MEIS2: variants seen among roughly 807,000 people sequenced by gnomAD.
MEIS2 encodes homeobox protein Meis2.
A neutral mutation model predicts 58.6 loss-of-function variants in MEIS2; 9 were observed. The ratio of observed to expected loss-of-function variants is 0.15; its 90% CI spans 0.09 to 0.27. MEIS2 has a LOEUF of 0.27. MEIS2 is among the 10% of genes least tolerant of loss of function. The probability of loss-of-function intolerance (pLI) is 1.00; values close to 1 mark genes in which losing one functional copy is unlikely to be tolerated. For missense variants in MEIS2, 427 were observed against 635.0 expected (o/e 0.67, Z 3.52); for synonymous variants, 221 against 228.4 (o/e 0.97, Z 0.29).
At chr15:37,002,635 C>T (rs1209235571) in intron 8 of MEIS2, among the ~76,000 whole-genome samples, 4 of 151,890 alleles carry the variant, frequency 2.6e-5, no homozygotes, top group Non-Finnish European at 5.9e-5. Flanking sequence ...GTTTCCTCAT[C>T]TAGTAGCATT....
chr15:37,052,953 G>A (rs1037233791), intron 7 of MEIS2, among the ~76,000 whole-genome samples: 2 of 152,136 alleles, frequency 1.3e-5, no homozygotes, highest in African/African-American at 4.8e-5. Context: ...TTATTAGTTT[G>A]CCAAGACATA....
In MEIS2 at chr15:37,100,256, TCTCG is replaced by T. The variant is rs753907997; in HGVS notation, c.-794_-791del. Reference sequence around the variant, plus strand: ...TATTTTGTCTCTCCCTCTCTCTCTTTCTCGCTCGCTCGCTCGCTCTCACTCGCGC... The same window carrying T: ...TATTTTGTCTCTCCCTCTCTCTCTTTCTCGCTCGCTCGCTCTCACTCGCGC... On this transcript the variant is annotated 5_prime_UTR_variant, in exon 1 of 12. Coordinates refer to ENST00000561208, the MANE Select transcript of MEIS2 (RefSeq NM_170675.5). 4.3e-4 allele frequency: 66 copies of T among 152,516 alleles called. No individual in the cohort carries two copies. The highest frequency in any genetic ancestry group is 2.1e-3 in the South Asian group (10 of 4,810). The allele number at this position is 152,516 out of a possible 1,614,324, so 9.4% of individuals were successfully genotyped here. A position where few individuals can be genotyped will look rare whatever the true frequency, so the allele number is the denominator to read the frequency against.
intron 9 of MEIS2, among the ~76,000 whole-genome samples, chr15:36,921,885 C>T (rs1276976082): frequency 1.3e-5 from 2 of 152,144 alleles, no homozygotes; most frequent in African/African-American, 4.8e-5. Context: ...ATTTAAACAT[C>T]GACTTAGTTT....
At chr15:36,953,058 C>T (rs946905323) in intron 8 of MEIS2, among the ~76,000 whole-genome samples, 5 of 151,972 alleles carry the variant, frequency 3.3e-5, no homozygotes, top group Non-Finnish European at 7.4e-5. Context: ...ATTCCATGCC[C>T]CTTTTATACA....
intron 6 of MEIS2, 118 bp downstream of exon 6, chr15:37,093,462 CA>C: frequency 3.2e-6 from 4 of 1,258,260 alleles, no homozygotes; most frequent in Non-Finnish European, 4.3e-6. Context: ...GAAAAGACCC[CA>C]AAAGAGACGG....
At chr15:36,971,532 T>G (rs12904762) in intron 8 of MEIS2, among the ~76,000 whole-genome samples, 31,877 of 57,998 alleles carry the variant, frequency 0.55, 6,195 homozygotes, top group Non-Finnish European at 0.57. Context: ...TATGCCTTGT[T>G]ACATTAAAAA....
intron 8 of MEIS2, among the ~76,000 whole-genome samples, chr15:36,970,000 CTG>C (rs1426071081): frequency 6.6e-6 from 1 of 152,012 alleles, no homozygotes. Flanking sequence ...CTGGAGAATT[CTG>C]GATTATTGAC....
chr15:37,082,191 T>G (rs1283625748), intron 7 of MEIS2, among the ~76,000 whole-genome samples: 1 of 152,148 alleles, frequency 6.6e-6, no homozygotes, highest in Non-Finnish European at 1.5e-5. Context: ...TCAGAAATGC[T>G]TGAAGCGTTA....
At position 37,076,446 on chromosome 15, in the gene MEIS2, C is replaced by T. The variant is rs79902155; in HGVS notation, c.754+7325G>A. Among the ~76,000 whole-genome samples the T allele has an allele frequency of 5.3e-3, 810 of 152,092 alleles. 9 individuals carry two copies. The highest frequency in any genetic ancestry group is 0.019 in the African/African-American group (773 of 41,502). Reference sequence around the variant, plus strand: ...TTGAAAAATCAGCATGATAACAGAGCATGAGTTGCCCTATAATAGCCTTAA... The same window carrying T: ...TTGAAAAATCAGCATGATAACAGAGTATGAGTTGCCCTATAATAGCCTTAA... On this transcript the variant is annotated intron_variant, in intron 7 of 11. Transcript: ENST00000561208.
In MEIS2 at chr15:37,036,794, T is replaced by C; in HGVS notation, c.900+20A>G. On this transcript the variant is annotated intron_variant, in intron 8 of 11. Coordinates refer to ENST00000561208, the MANE Select transcript of MEIS2 (RefSeq NM_170675.5). The stretch of plus-strand genomic sequence containing the variant: ...AAAACAACAAAAACTATTTTTTTTT[T>C]CTCTTTCATCTTGACTTACTGTGAG... The C allele has an allele frequency of 3.7e-6, 6 of 1,602,382 alleles. No individual in the cohort carries two copies. The highest frequency in any genetic ancestry group is 5.1e-6 in the Non-Finnish European group (6 of 1,176,072).
intron 9 of MEIS2, among the ~76,000 whole-genome samples, chr15:36,923,046 A>T (rs1385942363): frequency 6.6e-6 from 1 of 152,226 alleles, no homozygotes; most frequent in Non-Finnish European, 1.5e-5. Flanking sequence ...GCCCACAGAC[A>T]ATATTTATTC....
chr15:37,062,227 T>A (rs899351859), intron 7 of MEIS2, among the ~76,000 whole-genome samples: 1 of 152,218 alleles, frequency 6.6e-6, no homozygotes, highest in African/African-American at 2.4e-5. Flanking sequence ...TAGTCCTCCC[T>A]CTTACTGATG....
At chr15:36,926,233 A>T (rs990451989) in intron 9 of MEIS2, among the ~76,000 whole-genome samples, 1 of 151,874 alleles carries the variant, frequency 6.6e-6, no homozygotes, top group Non-Finnish European at 1.5e-5. Context: ...TGCATACAAC[A>T]TTAAAGCAGA....
chr15:36,965,474 T>G (rs951292553), intron 8 of MEIS2, among the ~76,000 whole-genome samples: 1 of 152,212 alleles, frequency 6.6e-6, no homozygotes, highest in Non-Finnish European at 1.5e-5. Flanking sequence ...CCCTCCAGAA[T>G]GTAAGTGATA....
intron 8 of MEIS2, among the ~76,000 whole-genome samples, chr15:37,011,431 T>C (rs1259367930): frequency 6.6e-6 from 1 of 152,112 alleles, no homozygotes; most frequent in Non-Finnish European, 1.5e-5. Flanking sequence ...AAGATACAAA[T>C]GTATATAGAT....
intron 8 of MEIS2, among the ~76,000 whole-genome samples, chr15:36,974,487 A>G (rs188240064): frequency 6.6e-6 from 1 of 152,368 alleles, no homozygotes; most frequent in East Asian, 1.9e-4. Flanking sequence ...GAGCTATGAC[A>G]TACCACGTTA....
At chr15:37,012,745 C>A (rs1305435872) in intron 8 of MEIS2, among the ~76,000 whole-genome samples, 1 of 152,050 alleles carries the variant, frequency 6.6e-6, no homozygotes, top group Admixed American at 6.6e-5. Flanking sequence ...ACATTAAATT[C>A]TTTATTAGAA....
intron 7 of MEIS2, among the ~76,000 whole-genome samples, chr15:37,063,736 C>G (rs997803212): frequency 1.3e-5 from 2 of 152,120 alleles, no homozygotes; most frequent in African/African-American, 4.8e-5. Context: ...AAGCTAGTAT[C>G]TGGAAAGATG....
intron 8 of MEIS2, among the ~76,000 whole-genome samples, chr15:37,024,966 CTTAAGT>C (rs1398857893): frequency 6.6e-6 from 1 of 152,228 alleles, no homozygotes; most frequent in East Asian, 1.9e-4. Flanking sequence ...AGTTCTTTCT[CTTAAGT>C]TTGAGTGTAC....
Sources: gnomAD v4.1 joint callset for allele counts (sites outside exome capture counted in the v4.1 genomes callset) on GRCh38, gnomAD v4.1.1 for gene constraint, MANE v1.5 for transcripts, NCBI Gene and HGNC (gene_info 2026-07-23, HGNC 2026-07-21) for gene names.